The following PRKG1 variants were observed in gnomAD, a reference collection of about 807,000 sequenced individuals.
PRKG1 encodes the protein protein kinase cGMP-dependent 1.
PRKG1 carries 35 observed loss-of-function variants against 88.1 expected under a neutral mutation model. That is an observed-to-expected ratio of 0.40 (90% CI 0.30 to 0.53). The LOEUF (loss-of-function observed/expected upper bound fraction) is 0.53. Among genes scored for constraint, PRKG1 ranks in the 20% least tolerant of loss-of-function variants. The pLI is 0.59. For synonymous variants in PRKG1, 303 were observed against 292.5 expected, an observed-to-expected ratio of 1.04 and a Z score of -0.37; for missense variants, 540 against 839.8, an observed-to-expected ratio of 0.64 and a Z score of 4.41.
chr10:52,036,972 G>A (rs1169047360), intron 5 of PRKG1, among the ~76,000 whole-genome samples: 7 of 152,338 alleles, frequency 4.6e-5, no homozygotes, highest in Admixed American at 1.3e-4. Context: ...AGAGTTACCG[G>A]AAGCTCGGCG....
intron 4 of PRKG1, among the ~76,000 whole-genome samples, chr10:51,866,346 T>G (rs1456739414): frequency 6.6e-6 from 1 of 152,060 alleles, no homozygotes; most frequent in Non-Finnish European, 1.5e-5. Context: ...CATAGATATA[T>G]ATGTCAATCT....
chr10:51,580,425 C>T lies in PRKG1; in HGVS notation c.592+112589C>T, dbSNP rs568075987. On this transcript the variant is annotated intron_variant, in intron 3 of 17. Coordinates refer to ENST00000373980, the MANE Select transcript of PRKG1 (RefSeq NM_006258.4). ...ACACATGGTATTATTAGACTTTAGC[C>T]GTTGACAGTATAATAGATTTGAAAT... Among the ~76,000 whole-genome samples the T allele has an allele frequency of 7.9e-5, 12 of 152,062 alleles. No homozygotes were observed. The South Asian group carries it at 1.7e-3, about 21-fold the overall frequency.
chr10:51,301,784 G>C (rs962200126), intron 2 of PRKG1, among the ~76,000 whole-genome samples: 3 of 152,264 alleles, frequency 2.0e-5, no homozygotes, highest in African/African-American at 7.2e-5. Context: ...GAGCCTCCCC[G>C]GCTGCCACTG....
chr10:51,844,847 T>C (rs959793449), intron 4 of PRKG1, among the ~76,000 whole-genome samples: 2 of 152,116 alleles, frequency 1.3e-5, no homozygotes, highest in Non-Finnish European at 2.9e-5. Context: ...CCGACAAAAA[T>C]GAAGTATGCT....
chr10:51,011,150 C>T (rs996964622), intron 1 of PRKG1, among the ~76,000 whole-genome samples: 19 of 152,200 alleles, frequency 1.2e-4, no homozygotes, highest in Admixed American at 8.5e-4. Context: ...GTTTCTTAGC[C>T]TTGCAACTAT....
intron 2 of PRKG1, among the ~76,000 whole-genome samples, chr10:51,193,450 G>A (rs1837682234): frequency 6.6e-6 from 1 of 151,906 alleles, no homozygotes; most frequent in African/African-American, 2.4e-5. Flanking sequence ...CACTGCCGCA[G>A]ATTTTATATT....
chr10:51,158,415 A>G (rs1170775900), intron 2 of PRKG1, among the ~76,000 whole-genome samples: 8 of 152,012 alleles, frequency 5.3e-5, no homozygotes, highest in Non-Finnish European at 1.2e-4. Flanking sequence ...TTACAAGTTT[A>G]TTATGTATAT....
At chr10:51,235,005 A>G (rs1838945748) in intron 2 of PRKG1, among the ~76,000 whole-genome samples, 1 of 152,194 alleles carries the variant, frequency 6.6e-6, no homozygotes, top group South Asian at 2.1e-4. Context: ...CTATTTCCAA[A>G]GAACCAGAAT....
chr10:51,556,152 T>A (rs1215936583), intron 3 of PRKG1, among the ~76,000 whole-genome samples: 3 of 151,956 alleles, frequency 2.0e-5, no homozygotes, highest in Admixed American at 1.3e-4. Flanking sequence ...AGTAAAGAAG[T>A]TTTTTTCTAA....
chr10:51,889,479 T>A (rs564312337), intron 4 of PRKG1, among the ~76,000 whole-genome samples: 2 of 152,296 alleles, frequency 1.3e-5, no homozygotes, highest in South Asian at 4.1e-4. Context: ...TTTGAGTTGG[T>A]TCCAAGTCTT....
intron 3 of PRKG1, among the ~76,000 whole-genome samples, chr10:51,623,377 C>G (rs1258044192): frequency 6.6e-6 from 1 of 152,056 alleles, no homozygotes. Context: ...ATTTTTTTAA[C>G]TATTTGTAGA....
intron 2 of PRKG1, among the ~76,000 whole-genome samples, chr10:51,212,014 C>A (rs1343491952): frequency 6.6e-6 from 1 of 152,094 alleles, no homozygotes; most frequent in Non-Finnish European, 1.5e-5. Flanking sequence ...CCAAGTCAAT[C>A]CTAAGCCAAA....
intron 10 of PRKG1, among the ~76,000 whole-genome samples, chr10:52,258,901 G>A (rs920475811): frequency 1.3e-5 from 2 of 151,992 alleles, no homozygotes; most frequent in Non-Finnish European, 2.9e-5. Context: ...GCCAGGCAGT[G>A]GAGAATAGGT....
intron 4 of PRKG1, among the ~76,000 whole-genome samples, chr10:51,842,153 G>T (rs1309860072): frequency 1.3e-5 from 2 of 152,180 alleles, no homozygotes; most frequent in African/African-American, 2.4e-5. Context: ...CTTGTCCTAT[G>T]GGCTTTGAAT....
At chr10:52,022,906 G>A (rs573851634) in intron 5 of PRKG1, among the ~76,000 whole-genome samples, 9 of 152,182 alleles carry the variant, frequency 5.9e-5, no homozygotes, top group East Asian at 3.9e-4. Flanking sequence ...ACTTTTGGTC[G>A]TAATAGGTGA....
At chr10:51,875,672 A>C (rs926030456) in intron 4 of PRKG1, among the ~76,000 whole-genome samples, 4 of 152,228 alleles carry the variant, frequency 2.6e-5, no homozygotes, top group Non-Finnish European at 4.4e-5. Context: ...AAATATGTTT[A>C]TTTAAAAAAT....
chr10:51,082,134 A>C (rs931202010), intron 1 of PRKG1, among the ~76,000 whole-genome samples: 2 of 152,174 alleles, frequency 1.3e-5, no homozygotes, highest in African/African-American at 4.8e-5. Flanking sequence ...CAGCATGAGA[A>C]AAAGAACTCT....
At chr10:51,445,048 C>A (rs768598155) in intron 2 of PRKG1, among the ~76,000 whole-genome samples, 4 of 151,964 alleles carry the variant, frequency 2.6e-5, no homozygotes, top group South Asian at 2.1e-4. Flanking sequence ...AAATGTTCTA[C>A]ACTAGTGCTG....
intron 1 of PRKG1, among the ~76,000 whole-genome samples, chr10:51,032,716 G>C (rs546215726): frequency 1.3e-5 from 2 of 152,100 alleles, no homozygotes; most frequent in African/African-American, 4.8e-5. Flanking sequence ...CTGAGACTGC[G>C]ACACTGCACT....
Sources: allele counts gnomAD v4.1 joint callset (sites outside exome capture counted in the v4.1 genomes callset), GRCh38; gene constraint gnomAD v4.1.1; transcripts MANE v1.5; gene names NCBI Gene and HGNC (gene_info 2026-07-23, HGNC 2026-07-21).